TSHZ2: variants seen among roughly 807,000 people sequenced by gnomAD.
TSHZ2 encodes the protein teashirt homolog 2.
In TSHZ2, 21 loss-of-function variants were observed where a neutral mutation model predicts 74.4. The observed-to-expected ratio is 0.28, with a 90% CI of 0.20 to 0.41. The LOEUF (loss-of-function observed/expected upper bound fraction) is 0.41. Ranked by LOEUF, TSHZ2 falls within the 10% of genes least tolerant of loss-of-function variation. The pLI, the probability that TSHZ2 is intolerant of heterozygous loss-of-function variation, is 1.00. For missense variants in TSHZ2, 1,244 were observed against 1,293.5 expected (o/e 0.96, Z 0.59); for synonymous variants, 540 against 515.3 (o/e 1.05, Z -0.65).
chr20:53,279,229 C>T (rs1425083444), intron 2 of TSHZ2, among the ~76,000 whole-genome samples: 1 of 152,120 alleles, frequency 6.6e-6, no homozygotes, highest in Non-Finnish European at 1.5e-5. Flanking sequence ...ATAAGTGACC[C>T]ACACAGTTCA....
At chr20:52,989,363 A>G (rs1981890632) in intron 1 of TSHZ2, among the ~76,000 whole-genome samples, 1 of 152,138 alleles carries the variant, frequency 6.6e-6, no homozygotes, top group Non-Finnish European at 1.5e-5. Flanking sequence ...ATCCTGTTTT[A>G]TTGTCTTTAA....
At chr20:53,065,944 G>A (rs536154725) in intron 1 of TSHZ2, among the ~76,000 whole-genome samples, 84 of 152,232 alleles carry the variant, frequency 5.5e-4, no homozygotes, top group Non-Finnish European at 9.1e-4. Flanking sequence ...AGAATCTGGG[G>A]GTCATACGTG....
At chr20:53,314,916 C>A (rs931802206) in intron 2 of TSHZ2, among the ~76,000 whole-genome samples, 7 of 152,214 alleles carry the variant, frequency 4.6e-5, no homozygotes, top group African/African-American at 1.4e-4. Flanking sequence ...GCCACCACAC[C>A]CGGCCTAGTT....
At chr20:53,025,014 G>T (rs1983385226) in intron 1 of TSHZ2, among the ~76,000 whole-genome samples, 1 of 152,072 alleles carries the variant, frequency 6.6e-6, no homozygotes, top group African/African-American at 2.4e-5. Flanking sequence ...CCTAAAATAT[G>T]TATATCGTGT....
intron 2 of TSHZ2, among the ~76,000 whole-genome samples, chr20:53,416,583 C>T (rs1039237187): frequency 6.6e-6 from 1 of 152,230 alleles, no homozygotes; most frequent in African/African-American, 2.4e-5. Flanking sequence ...TTACATATTG[C>T]TGCCTTAACT....
At chr20:53,475,719 A>C (rs1985971298) in intron 2 of TSHZ2, among the ~76,000 whole-genome samples, 1 of 140,076 alleles carries the variant, frequency 7.1e-6, no homozygotes, top group African/African-American at 2.8e-5. Context: ...TGAATCCAGG[A>C]GCTGGTTTCT....
intron 1 of TSHZ2, among the ~76,000 whole-genome samples, chr20:53,034,111 TTAA>T (rs893773290): frequency 6.6e-6 from 1 of 152,184 alleles, no homozygotes; most frequent in African/African-American, 2.4e-5. Flanking sequence ...GCTTACTATA[TTAA>T]TAATACACTG....
intron 1 of TSHZ2, among the ~76,000 whole-genome samples, chr20:53,202,050 G>T (rs11905613): frequency 0.049 from 7,434 of 152,256 alleles, 644 homozygotes; most frequent in African/African-American, 0.17. Flanking sequence ...CTTTGCATAT[G>T]TGTCGCTCAC....
At chr20:53,058,319 A>C (rs1158975112) in intron 1 of TSHZ2, among the ~76,000 whole-genome samples, 1 of 152,322 alleles carries the variant, frequency 6.6e-6, no homozygotes, top group East Asian at 1.9e-4. Context: ...GAAGGATCCA[A>C]CTTGAATTCT....
chr20:53,359,184 G>A (rs974123788), intron 2 of TSHZ2, among the ~76,000 whole-genome samples: 23 of 152,076 alleles, frequency 1.5e-4, no homozygotes, highest in African/African-American at 5.3e-4. Flanking sequence ...TATGAATTAG[G>A]AGTTACAAAT....
chr20:52,989,636 T>A (rs1981902051), intron 1 of TSHZ2, among the ~76,000 whole-genome samples: 1 of 152,152 alleles, frequency 6.6e-6, no homozygotes, highest in South Asian at 2.1e-4. Context: ...TATTACATAC[T>A]CAGAACAACG....
At chr20:53,438,263 C>G (rs528678916) in intron 2 of TSHZ2, among the ~76,000 whole-genome samples, 1 of 151,864 alleles carries the variant, frequency 6.6e-6, no homozygotes, top group Non-Finnish European at 1.5e-5. Flanking sequence ...ATGCCCGCCA[C>G]GACACCCCGC....
At chr20:53,462,006 C>T (rs1285098209) in intron 2 of TSHZ2, among the ~76,000 whole-genome samples, 8 of 151,004 alleles carry the variant, frequency 5.3e-5, no homozygotes, top group Non-Finnish European at 8.9e-5. Flanking sequence ...CCAAGGAAGG[C>T]GGATCACTTG....
intron 2 of TSHZ2, among the ~76,000 whole-genome samples, chr20:53,402,958 TC>T (rs763140661): frequency 2.6e-5 from 4 of 152,294 alleles, no homozygotes; most frequent in Admixed American, 6.5e-5. Flanking sequence ...AGCTTTTATT[TC>T]AGATACACGG....
chr20:53,200,130 C>A (rs1568808476), intron 1 of TSHZ2, among the ~76,000 whole-genome samples: 1 of 152,138 alleles, frequency 6.6e-6, no homozygotes, highest in African/African-American at 2.4e-5. Context: ...GGTGCGATTG[C>A]CAGAAGCTGC....
intron 1 of TSHZ2, among the ~76,000 whole-genome samples, chr20:53,069,655 G>A (rs1006657356): frequency 8.8e-5 from 12 of 136,422 alleles, no homozygotes; most frequent in Non-Finnish European, 1.2e-4. Flanking sequence ...AAAGGTCAAT[G>A]CTTTGATACA....
intron 1 of TSHZ2, among the ~76,000 whole-genome samples, chr20:53,218,109 C>A (rs1989476520): frequency 6.6e-6 from 1 of 152,228 alleles, no homozygotes; most frequent in Non-Finnish European, 1.5e-5. Flanking sequence ...TACAAACAGT[C>A]TCAAGTCTGG....
At chr20:53,325,129 T>C (rs1402020110) in intron 2 of TSHZ2, among the ~76,000 whole-genome samples, 1 of 152,224 alleles carries the variant, frequency 6.6e-6, no homozygotes, top group Non-Finnish European at 1.5e-5. Context: ...GATCCATGTT[T>C]TTCCACCAGA....
chr20:53,005,099 G>A (rs1046786567), intron 1 of TSHZ2, among the ~76,000 whole-genome samples: 2 of 152,236 alleles, frequency 1.3e-5, no homozygotes, highest in South Asian at 4.1e-4. Flanking sequence ...GATCAGTGAG[G>A]TCAGGAGTTC....
Sources: allele counts gnomAD v4.1 joint callset (sites outside exome capture counted in the v4.1 genomes callset), GRCh38; gene constraint gnomAD v4.1.1; transcripts MANE v1.5; gene names NCBI Gene and HGNC (gene_info 2026-07-23, HGNC 2026-07-21).